The following CAMKMT variants were observed in gnomAD, a reference collection of about 807,000 sequenced individuals.
The protein encoded by CAMKMT is calmodulin-lysine N-methyltransferase.
CAMKMT carries 53 observed loss-of-function variants against 48.0 expected under a neutral mutation model. The ratio of observed to expected loss-of-function variants is 1.10; its 90% CI spans 0.89 to 1.39. The LOEUF is 1.39. CAMKMT is among the 40% of genes most tolerant of loss of function. The pLI is 0.00. For synonymous variants in CAMKMT, 165 were observed against 152.3 expected (o/e 1.08, Z -0.61); for missense variants, 428 against 402.7 (o/e 1.06, Z -0.54).
chr2:44,687,831 C>G (rs1270410087), intron 3 of CAMKMT, among the ~76,000 whole-genome samples: 1 of 152,170 alleles, frequency 6.6e-6, no homozygotes, highest in Non-Finnish European at 1.5e-5. Flanking sequence ...CTTCCTCCAT[C>G]AAAGCAAAAA....
chr2:44,482,047 T>C (rs890452301), intron 3 of CAMKMT, among the ~76,000 whole-genome samples: 4 of 152,084 alleles, frequency 2.6e-5, no homozygotes, highest in Non-Finnish European at 5.9e-5. Context: ...ACAGAAACTG[T>C]TGACATGTTT....
intron 3 of CAMKMT, among the ~76,000 whole-genome samples, chr2:44,686,165 G>A (rs1357380420): frequency 6.6e-6 from 1 of 151,964 alleles, no homozygotes; most frequent in Non-Finnish European, 1.5e-5. Context: ...AGGCTGAGGT[G>A]GGCGGATCAT....
At chr2:44,620,997 G>A (rs1431033426) in intron 3 of CAMKMT, among the ~76,000 whole-genome samples, 4 of 152,154 alleles carry the variant, frequency 2.6e-5, no homozygotes, top group Admixed American at 2.0e-4. Context: ...GGCCGGGTGC[G>A]GTGGCTCACG....
At chr2:44,368,877 A>G (rs955135308) in intron 1 of CAMKMT, among the ~76,000 whole-genome samples, 76 of 151,948 alleles carry the variant, frequency 5.0e-4, no homozygotes, top group African/African-American at 1.7e-3. Flanking sequence ...CTGTATTATT[A>G]TTATTATTTT....
intron 3 of CAMKMT, among the ~76,000 whole-genome samples, chr2:44,526,885 G>T (rs955330012): frequency 6.6e-6 from 1 of 151,970 alleles, no homozygotes; most frequent in African/African-American, 2.4e-5. Flanking sequence ...GTAAGATATA[G>T]TTCATACACA....
intron 3 of CAMKMT, chr2:44,631,699 AT>A: frequency 2.5e-6 from 1 of 393,960 alleles, no homozygotes. Flanking sequence ...ATTGAACTGA[AT>A]TTAATTATTG....
intron 6 of CAMKMT, 36 bp from the exon 7 acceptor site, chr2:44,715,251 A>C (rs149673615): frequency 1.3e-6 from 2 of 1,495,846 alleles, no homozygotes. Context: ...GTCACTTCAC[A>C]ATCAGTGCAG....
At chr2:44,738,463 C>T (rs918775762) in intron 7 of CAMKMT, among the ~76,000 whole-genome samples, 2 of 152,168 alleles carry the variant, frequency 1.3e-5, no homozygotes, top group African/African-American at 4.8e-5. Context: ...CTAGCTAATC[C>T]ACACATTGTA....
chr2:44,452,348 TGA>T (rs1159358984), intron 3 of CAMKMT, among the ~76,000 whole-genome samples: 2 of 151,996 alleles, frequency 1.3e-5, no homozygotes, highest in East Asian at 3.8e-4. Flanking sequence ...ATCTCATACT[TGA>T]GAGAGAATTT....
intron 7 of CAMKMT, 63 bp downstream of exon 7, chr2:44,715,416 G>A: frequency 2.5e-6 from 3 of 1,200,518 alleles, no homozygotes; most frequent in Non-Finnish European, 2.5e-6. Context: ...ACTATGGATG[G>A]TTATTAAAAA....
At chr2:44,573,345 T>C (rs1046564753) in intron 3 of CAMKMT, among the ~76,000 whole-genome samples, 10 of 152,118 alleles carry the variant, frequency 6.6e-5, no homozygotes, top group African/African-American at 2.4e-4. Context: ...GTTAGATATA[T>C]GATTTGCAAA....
At chr2:44,402,740 G>GTTTTTTTTTTTTTTTTTTTTTTTCTTTTT in intron 3 of CAMKMT, among the ~76,000 whole-genome samples, 1 of 94,102 alleles carries the variant, frequency 1.1e-5, no homozygotes, top group Non-Finnish European at 2.1e-5. Flanking sequence ...TTGTTTTGCT[G>GTTTTTTTTTTTTTTTTTTTTTTTCTTTTT]TTTTTTTTTT....
At chr2:44,485,940 G>A (rs1185665949) in intron 3 of CAMKMT, among the ~76,000 whole-genome samples, 1 of 152,090 alleles carries the variant, frequency 6.6e-6, no homozygotes, top group Non-Finnish European at 1.5e-5. Context: ...TAAACTGGGT[G>A]ATGATTATGT....
chr2:44,768,361 A>ATATATATATATATATATAT (rs35058824), intron 10 of CAMKMT, among the ~76,000 whole-genome samples: 18 of 115,720 alleles, frequency 1.6e-4, no homozygotes, highest in African/African-American at 6.7e-4. Flanking sequence ...ATATATATAT[A>ATATATATATATATATATAT]TTTTTTTTTT....
chr2:44,578,638 C>A (rs1669371312), intron 3 of CAMKMT, among the ~76,000 whole-genome samples: 1 of 152,048 alleles, frequency 6.6e-6, no homozygotes, highest in Non-Finnish European at 1.5e-5. Context: ...TTTCCTAGTT[C>A]TACAAGGCAA....
chr2:44,477,862 T>C (rs552812068), intron 3 of CAMKMT, among the ~76,000 whole-genome samples: 1 of 152,300 alleles, frequency 6.6e-6, no homozygotes, highest in Non-Finnish European at 1.5e-5. Flanking sequence ...TGGTCACAGG[T>C]GAAAGGCAGT....
At chr2:44,440,140 A>C (rs1305225663) in intron 3 of CAMKMT, among the ~76,000 whole-genome samples, 1 of 152,152 alleles carries the variant, frequency 6.6e-6, no homozygotes, top group Non-Finnish European at 1.5e-5. Context: ...TTACTTATAC[A>C]GGTCTTATAA....
intron 3 of CAMKMT, among the ~76,000 whole-genome samples, chr2:44,496,272 C>T (rs2104727472): frequency 6.6e-6 from 1 of 152,256 alleles, no homozygotes; most frequent in East Asian, 1.9e-4. Context: ...AACAATAAAG[C>T]ATATTCAGCG....
chr2:44,438,686 T>A (rs1299362727), intron 3 of CAMKMT, among the ~76,000 whole-genome samples: 3 of 152,102 alleles, frequency 2.0e-5, no homozygotes, highest in South Asian at 4.1e-4. Flanking sequence ...CTCAGGTGTG[T>A]GTTTTTTGTT....
Sources: allele counts gnomAD v4.1 joint callset (sites outside exome capture counted in the v4.1 genomes callset), GRCh38; gene constraint gnomAD v4.1.1; transcripts MANE v1.5; gene names NCBI Gene and HGNC (gene_info 2026-07-23, HGNC 2026-07-21).